RPS6KA6: variants seen among roughly 807,000 people sequenced by gnomAD.
The protein encoded by RPS6KA6 is ribosomal protein S6 kinase alpha-6.
In RPS6KA6, 27 loss-of-function variants were observed where a neutral mutation model predicts 65.4. That is an observed-to-expected ratio of 0.41 (90% CI 0.30 to 0.57). RPS6KA6 has a LOEUF of 0.57. RPS6KA6 is among the 20% of genes least tolerant of loss of function. The pLI is 0.24. For missense variants in RPS6KA6, 486 were observed against 555.6 expected (o/e 0.87, Z 1.26); for synonymous variants, 190 against 184.2 (o/e 1.03, Z -0.26).
chrX:84,116,802 G>A (rs1216796881), intron 11 of RPS6KA6, among the ~76,000 whole-genome samples: 1 of 110,995 alleles, frequency 9.0e-6, no homozygotes, highest in East Asian at 2.8e-4. Flanking sequence ...GTACAAGGGA[G>A]AATCTGTTTA....
At chrX:84,145,870 T>C (rs1278741766) in intron 5 of RPS6KA6, among the ~76,000 whole-genome samples, 1 of 111,361 alleles carries the variant, frequency 9.0e-6, no homozygotes. Flanking sequence ...CTACAAATTC[T>C]ATAAAGCTGA....
intron 15 of RPS6KA6, among the ~76,000 whole-genome samples, 168 bp downstream of exon 15, chrX:84,106,197 C>T (rs1335616704): frequency 8.9e-6 from 1 of 111,735 alleles, no homozygotes. Flanking sequence ...TCCTACATAA[C>T]AAAGGCTTGA....
At chrX:84,137,176 C>T (rs2035004985) in intron 6 of RPS6KA6, among the ~76,000 whole-genome samples, 1 of 111,443 alleles carries the variant, frequency 9.0e-6, no homozygotes, top group Non-Finnish European at 1.9e-5. Context: ...GTGAATGTGT[C>T]CATGTGTATT....
At chrX:84,095,534 C>T (rs1440027915) in intron 20 of RPS6KA6, among the ~76,000 whole-genome samples, 4 of 111,186 alleles carry the variant, frequency 3.6e-5, no homozygotes, top group East Asian at 2.8e-4. Flanking sequence ...CATATTCACA[C>T]GGCTTTAAGT....
chrX:84,153,874 CT>C (rs2035370432), intron 3 of RPS6KA6, among the ~76,000 whole-genome samples: 2 of 111,485 alleles, frequency 1.8e-5, no homozygotes, highest in African/African-American at 6.5e-5. Context: ...CTATTTTGTA[CT>C]TTAATATTAG....
intron 4 of RPS6KA6, 42 bp from the exon 5 acceptor site, chrX:84,147,100 C>G: frequency 1.4e-6 from 1 of 740,181 alleles, no homozygotes; most frequent in Non-Finnish European, 2.0e-6. Context: ...TCTCTTACAT[C>G]ATTTCAGTTA....
intron 9 of RPS6KA6, among the ~76,000 whole-genome samples, chrX:84,118,841 A>G (rs913364916): frequency 9.0e-6 from 1 of 111,189 alleles, no homozygotes; most frequent in East Asian, 2.8e-4. Context: ...CTAAAATACA[A>G]TTTTCTCTAA....
At chrX:84,160,065 A>G (rs1322907470) in intron 2 of RPS6KA6, among the ~76,000 whole-genome samples, 1 of 111,534 alleles carries the variant, frequency 9.0e-6, no homozygotes, top group Non-Finnish European at 1.9e-5. Flanking sequence ...CACATGGTAC[A>G]TAATCTTAGC....
intron 3 of RPS6KA6, among the ~76,000 whole-genome samples, chrX:84,155,414 G>A (rs1226803380): frequency 9.0e-6 from 1 of 111,099 alleles, no homozygotes; most frequent in Middle Eastern, 4.3e-3. Flanking sequence ...TAATTTTCAT[G>A]TATTAGATGT....
chrX:84,122,868 G>T (rs910522233), intron 8 of RPS6KA6, among the ~76,000 whole-genome samples: 2 of 111,736 alleles, frequency 1.8e-5, no homozygotes, highest in African/African-American at 6.5e-5. Context: ...ACCAGCCAGG[G>T]TGGCTAAGGG....
intron 1 of RPS6KA6, among the ~76,000 whole-genome samples, chrX:84,166,450 G>GA (rs911277078): frequency 9.0e-6 from 1 of 111,353 alleles, no homozygotes; most frequent in African/African-American, 3.3e-5. Context: ...AAAATCATAT[G>GA]AAAAATTTTA....
chrX:84,105,870 C>T lies in RPS6KA6; in HGVS notation c.1372G>A (p.Asp458Asn). The change falls in exon 16 of 22, where the codon GAC (aspartate) becomes AAC (asparagine). Residue 458 changes from aspartate (D) to asparagine (N), a missense_variant. Physicochemically the swap from Asp to Asn is conservative, Grantham distance 23. Transcript: ENST00000262752. ...TNMEFAVKII[D>N]KSKRDPSEEI... ...TCTGAAGGGTCTCGCTTACTTTTGT[C>T]AATGATCTAAGAAATACGAAAAAAG... 8.9e-7 allele frequency: 1 copy of T among 1,120,362 alleles called. No individual in the cohort carries two copies. The highest frequency in any genetic ancestry group is 1.2e-6 in the Non-Finnish European group (1 of 822,569). 92.3% of individuals were successfully genotyped at this position (1,120,362 alleles called of 1,213,427 possible). A position where few individuals can be genotyped will look rare whatever the true frequency, so the allele number is the denominator to read the frequency against.
At chrX:84,106,236 T>A (rs2034357217) in intron 15 of RPS6KA6, 129 bp downstream of exon 15, 5 of 569,896 alleles carry the variant, frequency 8.8e-6, no homozygotes, top group Admixed American at 8.8e-5. Flanking sequence ...AAATATTAAG[T>A]CTCAGAGTTC....
At chrX:84,092,190 C>T (rs1331881154) in intron 20 of RPS6KA6, among the ~76,000 whole-genome samples, 1 of 110,825 alleles carries the variant, frequency 9.0e-6, no homozygotes, top group African/African-American at 3.3e-5. Context: ...TTTCCCAGAA[C>T]TTAAAATTAT....
intron 8 of RPS6KA6, among the ~76,000 whole-genome samples, chrX:84,128,192 A>G (rs1275702386): frequency 1.8e-5 from 2 of 111,733 alleles, no homozygotes; most frequent in East Asian, 5.6e-4. Flanking sequence ...CTGAAAATGA[A>G]ATCCAGAAAG....
intron 1 of RPS6KA6, among the ~76,000 whole-genome samples, chrX:84,170,894 A>T (rs2035672809): frequency 9.0e-6 from 1 of 111,266 alleles, no homozygotes; most frequent in Non-Finnish European, 1.9e-5. Flanking sequence ...ACACTGTGTC[A>T]TATAAGACTC....
At chrX:84,164,307 T>C in intron 2 of RPS6KA6, 21 bp downstream of exon 2, 1 of 1,126,487 alleles carries the variant, frequency 8.9e-7, no homozygotes, top group Non-Finnish European at 1.2e-6. Context: ...TGTGGCTTAA[T>C]AAATTAACAT....
At chrX:84,175,812 G>A (rs779691130) in intron 1 of RPS6KA6, among the ~76,000 whole-genome samples, 9 of 111,394 alleles carry the variant, frequency 8.1e-5, no homozygotes, top group South Asian at 7.6e-4. Flanking sequence ...GGAAAAATGC[G>A]TAAATACACA....
chrX:84,085,429 TTGAGA>T (rs2033898398), intron 20 of RPS6KA6, among the ~76,000 whole-genome samples: 1 of 108,889 alleles, frequency 9.2e-6, no homozygotes, highest in African/African-American at 3.3e-5. Flanking sequence ...TTCTGCATTA[TTGAGA>T]TAATTGTGGT....
Sources: allele counts gnomAD v4.1 joint callset (sites outside exome capture counted in the v4.1 genomes callset), GRCh38; gene constraint gnomAD v4.1.1; transcripts MANE v1.5; gene names NCBI Gene and HGNC (gene_info 2026-07-23, HGNC 2026-07-21).